ZNF439: variants seen among roughly 807,000 people sequenced by gnomAD.
ZNF439 encodes the protein zinc finger protein 439.
ZNF439 carries 40 observed loss-of-function variants against 47.3 expected under a neutral mutation model. The observed-to-expected ratio is 0.85, with a 90% CI of 0.66 to 1.10. The LOEUF is 1.10. Among genes scored for constraint, ZNF439 ranks in the 50% least tolerant of loss-of-function variants. The pLI is 0.00. For synonymous variants in ZNF439, 171 were observed against 198.8 expected (o/e 0.86, Z 1.18); for missense variants, 556 against 601.1 (o/e 0.93, Z 0.78).
At chr19:11,855,046 G>A (rs971561412) in intron 1 of ZNF439, among the ~76,000 whole-genome samples, 2 of 152,160 alleles carry the variant, frequency 1.3e-5, no homozygotes, top group African/African-American at 4.8e-5. Context: ...TTTTGGATTG[G>A]TCCTTGCCTG....
chr19:11,863,549 T>A (rs1976596907), intron 1 of ZNF439, among the ~76,000 whole-genome samples: 1 of 152,176 alleles, frequency 6.6e-6, no homozygotes, highest in Non-Finnish European at 1.5e-5. Context: ...CAGATAGGTG[T>A]CCTGCAAATA....
chr19:11,867,487 A>G lies in ZNF439; in HGVS notation c.433A>G (p.Arg145Gly). The change falls in exon 4 of 4, where the codon AGA (arginine) becomes GGA (glycine). Residue 145 changes from arginine to glycine, a missense_variant. By Grantham distance (125) the Arg-to-Gly change is moderately radical (BLOSUM62 -2). Transcript: ENST00000682736. Reference protein sequence around the residue: ...LGNSSSNMNIRGDTGHKACEC... With the variant: ...LGNSSSNMNIGGDTGHKACEC... ...TAACTCATCTTCTAATATGAACATC[A>G]GAGGTGACACTGGACACAAGGCATG... 1 of 1,614,188 alleles carries G rather than the reference A, an allele frequency of 6.2e-7. No homozygotes were observed. The highest frequency in any genetic ancestry group is 8.5e-7 in the Non-Finnish European group (1 of 1,180,030).
chr19:11,867,253 T>TA (rs1976710784), intron 3 of ZNF439, 53 bp from the exon 4 acceptor site: 1 of 1,568,270 alleles, frequency 6.4e-7, no homozygotes, highest in Non-Finnish European at 8.6e-7. Context: ...TGCTGATTAA[T>TA]ATAAAATTAC....
intron 1 of ZNF439, chr19:11,849,689 C>G (rs1476777071): frequency 6.6e-6 from 1 of 152,120 alleles, no homozygotes; most frequent in Non-Finnish European, 1.5e-5. Flanking sequence ...GAAGCTTTGT[C>G]TAAAGTTTGG....
At chr19:11,861,938 G>C (rs770245441) in intron 1 of ZNF439, among the ~76,000 whole-genome samples, 10 of 152,162 alleles carry the variant, frequency 6.6e-5, no homozygotes, top group Non-Finnish European at 1.0e-4. Context: ...AAACATAAAG[G>C]AGTATTGTGT....
intron 1 of ZNF439, among the ~76,000 whole-genome samples, chr19:11,860,716 G>A (rs1192059059): frequency 1.3e-5 from 2 of 151,962 alleles, no homozygotes; most frequent in Non-Finnish European, 2.9e-5. Flanking sequence ...TTGATTAAAG[G>A]AGATAGAAGG....
rs1976677249 is a variant in ZNF439 at position 11,866,212 on chromosome 19, T to C, written c.71T>C (p.Val24Ala). 1 of 1,614,120 alleles carries C rather than the reference T, an allele frequency of 6.2e-7. No homozygotes were observed. The highest frequency in any genetic ancestry group is 1.3e-5 in the African/African-American group (1 of 75,020). The change falls in exon 2 of 4, where the codon GTG (valine) becomes GCG (alanine). Residue 24 changes from valine (V) to alanine (A), a missense_variant. Coordinates refer to ENST00000682736, the MANE Select transcript of ZNF439 (RefSeq NM_001348719.2). ...ACATGTGAGATGTTTCAGGACCCAGTGGCTTTTAAGGATGTGGCTGTGAAC... is the reference window on the plus strand; with the variant it reads ...ACATGTGAGATGTTTCAGGACCCAGCGGCTTTTAAGGATGTGGCTGTGAAC... The part of the protein sequence containing the change: ...GTSESREMDP[V>A]AFKDVAVNFT...
At chr19:11,863,152 C>CTTTTTTTTTTT (rs34655587) in intron 1 of ZNF439, among the ~76,000 whole-genome samples, 1 of 90,058 alleles carries the variant, frequency 1.1e-5, no homozygotes, top group African/African-American at 4.2e-5. Context: ...AAAGATTTTG[C>CTTTTTTTTTTT]TTTTTTTTTT....
rs1976800313 is a variant in ZNF439, at chr19:11,869,133, C to G, written c.*564C>G. 1 of 208,206 alleles carries G rather than the reference C, an allele frequency of 4.8e-6. No homozygotes were observed. Among genetic ancestry groups the G allele is most frequent in the Admixed American group, 5.7e-5 (1 of 17,628 alleles). The allele number at this position is 208,206 out of a possible 1,614,324, so 12.9% of individuals were successfully genotyped here. ...CTTTCATAGACATGTAAAGACACAC[C>G]AGAAGGAAACCCTATGAATGTAAGC... On this transcript the variant is annotated 3_prime_UTR_variant, in exon 4 of 4. Coordinates refer to ENST00000682736, the MANE Select transcript of ZNF439 (RefSeq NM_001348719.2).
At chr19:11,863,152 CTTTT>C (rs34655587) in intron 1 of ZNF439, among the ~76,000 whole-genome samples, 2 of 90,056 alleles carry the variant, frequency 2.2e-5, no homozygotes, top group African/African-American at 8.4e-5. Flanking sequence ...AAAGATTTTG[CTTTT>C]TTTTTTTTTT....
intron 1 of ZNF439, among the ~76,000 whole-genome samples, chr19:11,860,575 A>T (rs1568257208): frequency 6.6e-6 from 1 of 152,142 alleles, no homozygotes; most frequent in African/African-American, 2.4e-5. Context: ...CATGAACCCT[A>T]CTATACTGAA....
At chr19:11,854,328 G>T (rs531226461) in intron 1 of ZNF439, among the ~76,000 whole-genome samples, 3 of 152,342 alleles carry the variant, frequency 2.0e-5, no homozygotes, top group Admixed American at 6.5e-5. Flanking sequence ...CATGCCTAAG[G>T]CTCTACGGGC....
At chr19:11,855,429 C>A (rs1976359639) in intron 1 of ZNF439, among the ~76,000 whole-genome samples, 1 of 152,126 alleles carries the variant, frequency 6.6e-6, no homozygotes, top group Non-Finnish European at 1.5e-5. Context: ...ATAATAAGTA[C>A]ATGACTTTTC....
chr19:11,849,677 G>T (rs1309401656), intron 1 of ZNF439: 1 of 152,254 alleles, frequency 6.6e-6, no homozygotes, highest in African/African-American at 2.4e-5. Flanking sequence ...GGTTGAGAGT[G>T]TGAAGCTTTG....
chr19:11,853,419 C>T (rs1047702422), intron 1 of ZNF439, among the ~76,000 whole-genome samples: 1 of 152,170 alleles, frequency 6.6e-6, no homozygotes, highest in South Asian at 2.1e-4. Flanking sequence ...TAGCACCCTT[C>T]ATGTTTACTG....
rs1193759253 is a variant in ZNF439, at chr19:11,867,564, A to G, written c.510A>G (p.Lys170=). 5 of 1,614,080 alleles carry G rather than the reference A, an allele frequency of 3.1e-6. 1 individual carries two copies. The South Asian group carries it at 4.4e-5, about 14-fold the overall frequency. ...CATGGAAGAGTCAACAACCTAAAAA[A>G]GCCTTCAGATATCACCCCTCCTTGA... is the stretch of plus-strand genomic sequence containing the variant. ...PKPWKSQQPK[K]AFRYHPSLRT... is the part of the protein sequence containing the mutation. The change falls in exon 4 of 4, where the codon AAA becomes AAG. Residue 170 remains lysine, a synonymous_variant. Transcript: ENST00000682736.
At chr19:11,858,991 C>T (rs1046945010) in intron 1 of ZNF439, among the ~76,000 whole-genome samples, 3 of 152,172 alleles carry the variant, frequency 2.0e-5, no homozygotes, top group Admixed American at 2.0e-4. Context: ...ATTGCTTGAC[C>T]TAACATTGTA....
rs1277649582 is a variant in ZNF439, at chr19:11,868,145, G to T, written c.1091G>T (p.Cys364Phe). The T allele has an allele frequency of 6.2e-7, 1 of 1,613,274 alleles. No homozygotes were observed. Among genetic ancestry groups the T allele is most frequent in the Admixed American group, 1.7e-5 (1 of 59,954 alleles). ...GAAAGACCTTATGAATGTAAGACAT[G>T]TGGGAAAGGCTTTTATTCTGCCAAG... ...SGERPYECKT[C>F]GKGFYSAKSF... Residue 364 changes from cysteine to phenylalanine, a missense_variant, in exon 4 of 4, where the codon TGT becomes TTT. Coordinates refer to ENST00000682736, the MANE Select transcript of ZNF439 (RefSeq NM_001348719.2).
chr19:11,860,830 C>T (rs191699189), intron 1 of ZNF439, among the ~76,000 whole-genome samples: 174 of 152,284 alleles, frequency 1.1e-3, no homozygotes, highest in Admixed American at 2.7e-3. Context: ...AGCAGCACAG[C>T]GCCAGGGTGA....
Sources: allele counts gnomAD v4.1 joint callset (sites outside exome capture counted in the v4.1 genomes callset), GRCh38; gene constraint gnomAD v4.1.1; transcripts MANE v1.5; gene names NCBI Gene and HGNC (gene_info 2026-07-23, HGNC 2026-07-21).